The following FMR1NB variants were observed in gnomAD, a reference collection of about 807,000 sequenced individuals.
FMR1NB encodes FMR1 neighbor.
Under a neutral mutation model 16.8 loss-of-function variants are expected in FMR1NB, and 10 were observed. That is an observed-to-expected ratio of 0.60 (90% CI 0.37 to 1.01). The LOEUF is 1.01. Ranked by LOEUF, FMR1NB falls within the 50% of genes least tolerant of loss-of-function variation. The pLI is 0.01. For synonymous variants in FMR1NB, 83 were observed against 79.1 expected (o/e 1.05, Z -0.26); for missense variants, 205 against 204.8 (o/e 1.00, Z 0.00).
At chrX:148,003,444 C>T in intron 2 of FMR1NB, 124 bp downstream of exon 2, 2 of 765,006 alleles carry the variant, frequency 2.6e-6, no homozygotes, top group Non-Finnish European at 1.9e-6. Flanking sequence ...TGAATCCTGG[C>T]TCTGCTCTTT....
At chrX:148,006,319 A>G (rs1374068530) in intron 2 of FMR1NB, among the ~76,000 whole-genome samples, 1 of 112,254 alleles carries the variant, frequency 8.9e-6, no homozygotes, top group East Asian at 2.8e-4. Flanking sequence ...GTGGCTTAGT[A>G]ACGTTAAGCC....
At chrX:147,989,397 C>A in intron 1 of FMR1NB, among the ~76,000 whole-genome samples, 1 of 111,933 alleles carries the variant, frequency 8.9e-6, no homozygotes, top group African/African-American at 3.3e-5. Flanking sequence ...GGGGCACCAG[C>A]CTGATGCCAG....
chrX:148,015,664 A>G lies in FMR1NB; in HGVS notation c.632+6953A>G, dbSNP rs141187573. On this transcript the variant is annotated intron_variant, in intron 4 of 5. Coordinates refer to ENST00000370467, the MANE Select transcript of FMR1NB (RefSeq NM_152578.3). ...TGTTATTGATTTCTAGTTTTATTCC[A>G]TTTTGGTGAGAGAAGATGCTTGTTA... Among the ~76,000 whole-genome samples the G allele has an allele frequency of 4.4e-3, 487 of 111,894 alleles. 3 individuals are homozygous for G. The highest frequency in any genetic ancestry group is 0.015 in the African/African-American group (462 of 30,825).
At position 148,025,014 on chromosome X, in the gene FMR1NB, G is replaced by A; in HGVS notation, c.*13+1G>A. Reference sequence around the variant, plus strand: ...GGTGACGAGTAGCAAGAGACCAAAGGTAATTGACAATAGGATATAAAGTTG... The same window carrying A: ...GGTGACGAGTAGCAAGAGACCAAAGATAATTGACAATAGGATATAAAGTTG... On this transcript the variant is annotated splice_donor_variant, in intron 5 of 5. Coordinates refer to ENST00000370467, the MANE Select transcript of FMR1NB (RefSeq NM_152578.3). LOFTEE classifies it low-confidence loss of function (3UTR_SPLICE). 1 of 1,206,565 alleles carries A rather than the reference G, an allele frequency of 8.3e-7. No homozygotes were observed. Among genetic ancestry groups the A allele is most frequent in the Non-Finnish European group, 1.1e-6 (1 of 892,558 alleles).
chrX:147,986,172 T>G (rs1414662074), intron 1 of FMR1NB, among the ~76,000 whole-genome samples: 7 of 112,496 alleles, frequency 6.2e-5, no homozygotes, highest in African/African-American at 2.3e-4. Flanking sequence ...GGTTGTTTAT[T>G]TATTTCTTGT....
chrX:147,986,539 G>C (rs1193454225), intron 1 of FMR1NB, among the ~76,000 whole-genome samples: 1 of 111,821 alleles, frequency 8.9e-6, no homozygotes, highest in African/African-American at 3.3e-5. Flanking sequence ...CCTGCATATG[G>C]CTAGCCAGTT....
intron 1 of FMR1NB, among the ~76,000 whole-genome samples, chrX:147,992,002 A>C (rs1007530948): frequency 8.0e-5 from 9 of 112,109 alleles, no homozygotes; most frequent in Non-Finnish European, 1.7e-4. Context: ...CAGGATCCCA[A>C]GGCAGAGGAA....
At chrX:148,011,900 C>T (rs1043983340) in intron 4 of FMR1NB, among the ~76,000 whole-genome samples, 6 of 111,380 alleles carry the variant, frequency 5.4e-5, no homozygotes, top group African/African-American at 1.6e-4. Flanking sequence ...GGACTCAAGC[C>T]GGTTTGAACT....
At chrX:148,018,137 C>T (rs1341968338) in intron 4 of FMR1NB, among the ~76,000 whole-genome samples, 2 of 110,343 alleles carry the variant, frequency 1.8e-5, no homozygotes, top group Non-Finnish European at 3.8e-5. Context: ...AAGGGTTGAA[C>T]TAGTTTACAG....
At position 147,990,078 on chromosome X, in the gene FMR1NB, C is replaced by T. The variant is rs187672098; in HGVS notation, c.277+8399C>T. 4.5e-5 allele frequency among the ~76,000 whole-genome samples: 5 copies of T among 110,032 alleles called. No homozygotes were observed. The East Asian group carries it at 1.1e-3, about 25-fold the overall frequency. On this transcript the variant is annotated intron_variant, in intron 1 of 5. Transcript: ENST00000370467. ...AAACAAAAGCTCCTGCAGCTAGCTC[C>T]GTGTCTGTCTGAACAGCTGCCAGTT... is the stretch of plus-strand genomic sequence containing the variant.
At chrX:147,990,048 A>C (rs1334550551) in intron 1 of FMR1NB, among the ~76,000 whole-genome samples, 2 of 109,685 alleles carry the variant, frequency 1.8e-5, no homozygotes, top group South Asian at 4.0e-4. Context: ...AGAAAAAAAA[A>C]AAAAAAACAA....
rs782306158 is a variant in FMR1NB at position 148,003,338 on chromosome X, T to A, written c.397+18T>A. 1 of 1,205,808 alleles carries A rather than the reference T, an allele frequency of 8.3e-7. No homozygotes were observed. The stretch of plus-strand genomic sequence containing the variant: ...TCCAACAAGTAAGTTCTTGTTTGAT[T>A]TTTTTCCCCCTCTAATGTTCTTGTT... On this transcript the variant is annotated intron_variant, in intron 2 of 5. Transcript: ENST00000370467.
intron 4 of FMR1NB, among the ~76,000 whole-genome samples, chrX:148,022,236 TC>T (rs2044683025): frequency 9.6e-6 from 1 of 104,165 alleles, no homozygotes. Context: ...TCTGGCTCTC[TC>T]CACTCAGGCT....
intron 4 of FMR1NB, among the ~76,000 whole-genome samples, chrX:148,021,765 A>G (rs1169413832): frequency 9.1e-6 from 1 of 110,461 alleles, no homozygotes; most frequent in African/African-American, 3.3e-5. Context: ...TTACTCTTTC[A>G]CCATAGGTTC....
intron 4 of FMR1NB, 93 bp from the exon 5 acceptor site, chrX:148,024,772 T>C: frequency 9.6e-7 from 1 of 1,043,618 alleles, no homozygotes; most frequent in Non-Finnish European, 1.3e-6. Context: ...AAAGTATAGT[T>C]ATCTGGGCAA....
intron 4 of FMR1NB, among the ~76,000 whole-genome samples, chrX:148,019,815 CACT>C (rs1218753006): frequency 2.7e-5 from 3 of 111,883 alleles, no homozygotes; most frequent in Non-Finnish European, 5.6e-5. Context: ...ACCCAAACAC[CACT>C]GAGGCCACCA....
intron 4 of FMR1NB, among the ~76,000 whole-genome samples, chrX:148,014,136 G>A (rs1190963176): frequency 9.0e-6 from 1 of 111,225 alleles, no homozygotes; most frequent in African/African-American, 3.3e-5. Flanking sequence ...AGAGCTGAGA[G>A]GTCATAATGA....
rs782385610 is a variant in FMR1NB at position 147,989,862 on chromosome X, A to G, written c.277+8183A>G. Among the ~76,000 whole-genome samples, 99 of 110,209 alleles carry G rather than the reference A, an allele frequency of 9.0e-4. 1 individual carries two copies. The highest frequency in any genetic ancestry group is 1.4e-3 in the Non-Finnish European group (74 of 52,685). ...GATGTCCCTCCCCACACCAAGCTCA[A>G]TTGTCCCAGGTCGACTTCAGACTGC... On this transcript the variant is annotated intron_variant, in intron 1 of 5. Coordinates refer to ENST00000370467, the MANE Select transcript of FMR1NB (RefSeq NM_152578.3).
rs1603080174 is a variant in FMR1NB, at chrX:148,004,571, A to C, written c.397+1251A>C. On this transcript the variant is annotated intron_variant, in intron 2 of 5. Transcript: ENST00000370467. The stretch of plus-strand genomic sequence containing the variant: ...AATGTACATACTGTCTTTGAAGACA[A>C]TAACTACAGCTTCATAAAACGTGAA... 3.6e-5 allele frequency among the ~76,000 whole-genome samples: 4 copies of C among 112,627 alleles called. No individual in the cohort carries two copies. In the South Asian group the frequency reaches 1.5e-3, roughly 41 times the overall value.
Sources: gnomAD v4.1 joint callset for allele counts (sites outside exome capture counted in the v4.1 genomes callset) on GRCh38, gnomAD v4.1.1 for gene constraint, MANE v1.5 for transcripts, NCBI Gene and HGNC (gene_info 2026-07-23, HGNC 2026-07-21) for gene names.